Variants in CREBBP observed in about 807,000 individuals in gnomAD.
The protein encoded by CREBBP is CREB-binding protein.
A neutral mutation model predicts 265.0 loss-of-function variants in CREBBP; 19 were observed. The ratio of observed to expected loss-of-function variants is 0.07; its 90% CI spans 0.05 to 0.11. The LOEUF (loss-of-function observed/expected upper bound fraction) is 0.11. Ranked by LOEUF, CREBBP falls within the 10% of genes least tolerant of loss-of-function variation. The pLI is 1.00. For missense variants in CREBBP, 2,525 were observed against 3,219.0 expected, an observed-to-expected ratio of 0.78 and a Z score of 5.22; for synonymous variants, 1,457 against 1,223.7, an observed-to-expected ratio of 1.19 and a Z score of -3.98.
intron 10 of CREBBP, 99 bp downstream of exon 10, chr16:3,777,912 T>A: frequency 7.2e-7 from 1 of 1,391,484 alleles, no homozygotes; most frequent in Non-Finnish European, 1.0e-6. Flanking sequence ...AGGGCATGCA[T>A]CAGATATTCT....
chr16:3,736,973 C>G, intron 26 of CREBBP, 158 bp from the exon 27 acceptor site: 1 of 871,014 alleles, frequency 1.1e-6, no homozygotes, highest in East Asian at 2.6e-5. Flanking sequence ...GGGCAAGGCT[C>G]GAACTTTATC....
Position 3,833,387 on chromosome 16 carries a change from G to C in CREBBP, c.798+16910C>G, listed in dbSNP as rs113158982. Among the ~76,000 whole-genome samples the C allele has an allele frequency of 2.9e-3, 448 of 152,278 alleles. 1 individual carries two copies. Among genetic ancestry groups the C allele is most frequent in the Admixed American group, 5.6e-3 (85 of 15,290 alleles). ...AGATAGCACCACTGCACTTCAGCTT[G>C]GGCTACAGAGTGAGAGTCCATCTCA... On this transcript the variant is annotated intron_variant, in intron 2 of 30. Coordinates refer to ENST00000262367, the MANE Select transcript of CREBBP (RefSeq NM_004380.3).
chr16:3,809,842 C>A (rs369399815), intron 3 of CREBBP, among the ~76,000 whole-genome samples: 33 of 152,238 alleles, frequency 2.2e-4, no homozygotes, highest in African/African-American at 7.7e-4. Context: ...ATCACTATGG[C>A]AGCTGGGAAG....
intron 1 of CREBBP, among the ~76,000 whole-genome samples, chr16:3,862,167 C>T (rs747334880): frequency 2.8e-4 from 42 of 152,130 alleles, no homozygotes; most frequent in Non-Finnish European, 5.7e-4. Flanking sequence ...TATTTTACAG[C>T]CAAGTGGAAT....
chr16:3,878,712 T>C (rs577054397), intron 1 of CREBBP, among the ~76,000 whole-genome samples: 1 of 152,282 alleles, frequency 6.6e-6, no homozygotes, highest in Non-Finnish European at 1.5e-5. Context: ...TAGAAACTGA[T>C]TTTCAGATGC....
chr16:3,812,210 ACT>A (rs1004670419), intron 2 of CREBBP, among the ~76,000 whole-genome samples: 1 of 151,724 alleles, frequency 6.6e-6, no homozygotes, highest in Non-Finnish European at 1.5e-5. Context: ...AGAGTGTGTC[ACT>A]CTGTCACCCA....
rs776500881 is a variant in CREBBP at position 3,729,075 on chromosome 16, G to A, written c.5972C>T (p.Pro1991Leu). ...MPPGRTGMGT[P>L]GSQMAPVSLN... ...GCTCACGGGGGCCATCTGGCTCCCC[G>A]GGGTCCCCATGCCCGTGCGTCCTGG... The change falls in exon 31 of 31, where the codon CCG becomes CTG. Residue 1991 changes from proline (P) to leucine (L), a missense_variant. Transcript: ENST00000262367. The A allele has an allele frequency of 8.8e-6, 14 of 1,584,254 alleles. No homozygotes were observed. The East Asian group carries it at 9.2e-5, about 10-fold the overall frequency.
chr16:3,835,493 G>A (rs898155746), intron 2 of CREBBP, among the ~76,000 whole-genome samples: 3 of 150,632 alleles, frequency 2.0e-5, no homozygotes, highest in Non-Finnish European at 4.4e-5. Context: ...AGTGAATTTC[G>A]TTGCTAGTTA....
intron 2 of CREBBP, among the ~76,000 whole-genome samples, chr16:3,846,696 G>T (rs1179444111): frequency 1.3e-5 from 2 of 151,968 alleles, no homozygotes; most frequent in Non-Finnish European, 2.9e-5. Context: ...TGGGTGGGGA[G>T]GGGAACATCT....
chr16:3,856,507 G>C (rs923600641), intron 1 of CREBBP, among the ~76,000 whole-genome samples: 6 of 152,040 alleles, frequency 3.9e-5, no homozygotes, highest in Non-Finnish European at 5.9e-5. Flanking sequence ...TTTTTGTAGA[G>C]ATGGGGTCTT....
At chr16:3,799,117 T>C (rs2053662976) in intron 3 of CREBBP, among the ~76,000 whole-genome samples, 1 of 152,172 alleles carries the variant, frequency 6.6e-6, no homozygotes, top group South Asian at 2.1e-4. Flanking sequence ...ATGCCCAGAA[T>C]AGATACATCC....
At chr16:3,849,650 C>T (rs1257033554) in intron 2 of CREBBP, among the ~76,000 whole-genome samples, 1 of 149,696 alleles carries the variant, frequency 6.7e-6, no homozygotes, top group Non-Finnish European at 1.5e-5. Flanking sequence ...GGATCACAGG[C>T]GTGAGTCACT....
At position 3,751,332 on chromosome 16, in the gene CREBBP, A is replaced by C. The variant is rs184600949; in HGVS notation, c.3779+394T>G. Among the ~76,000 whole-genome samples, 160 of 152,216 alleles carry C rather than the reference A, an allele frequency of 1.1e-3. 1 individual carries two copies. Among genetic ancestry groups the C allele is most frequent in the African/African-American group, 3.8e-3 (157 of 41,542 alleles). ...CAAACCCCACAACACAACAGACTGT[A>C]ATCCCAGCACTTTGGAAGGCCCAGG... is the stretch of plus-strand genomic sequence containing the variant. On this transcript the variant is annotated intron_variant, in intron 20 of 30. Coordinates refer to ENST00000262367, the MANE Select transcript of CREBBP (RefSeq NM_004380.3).
chr16:3,744,065 A>G (rs2052281958), intron 23 of CREBBP, among the ~76,000 whole-genome samples: 1 of 152,096 alleles, frequency 6.6e-6, no homozygotes, highest in South Asian at 2.1e-4. Flanking sequence ...ACAGAGCGAG[A>G]ATGTCTCAAA....
chr16:3,848,512 G>A (rs1460794703), intron 2 of CREBBP, among the ~76,000 whole-genome samples: 1 of 152,136 alleles, frequency 6.6e-6, no homozygotes, highest in Non-Finnish European at 1.5e-5. Context: ...ATGATGAAAT[G>A]TGTTTCAATA....
At chr16:3,820,206 A>G (rs2054114989) in intron 2 of CREBBP, among the ~76,000 whole-genome samples, 1 of 152,274 alleles carries the variant, frequency 6.6e-6, no homozygotes, top group Non-Finnish European at 1.5e-5. Context: ...CATTGTTGGA[A>G]GAAAGCCAAG....
In CREBBP at chr16:3,739,695, G is replaced by C. The variant is rs761058155; in HGVS notation, c.4163C>G (p.Ser1388Cys). Residue 1388 changes from serine (S) to cysteine (C), a missense_variant, in exon 25 of 31, where the codon TCT becomes TGT. Around this residue, in one of 19 missense-constraint regions of CREBBP, gnomAD observed 252 missense variants for 452.5 expected, o/e 0.56. Coordinates refer to ENST00000262367, the MANE Select transcript of CREBBP (RefSeq NM_004380.3). ...RFVDSGEMSE[S>C]FPYRTKALFA... ...CAGAGCTTTGGTTCGATATGGGAAA[G>C]ATTCAGACATTTCCCCAGAATCCAC... The C allele has an allele frequency of 1.2e-6, 2 of 1,614,230 alleles. No individual in the cohort carries two copies. The highest frequency in any genetic ancestry group is 4.5e-5 in the East Asian group (2 of 44,890).
At chr16:3,802,678 G>C (rs2053741696) in intron 3 of CREBBP, among the ~76,000 whole-genome samples, 1 of 152,190 alleles carries the variant, frequency 6.6e-6, no homozygotes, top group Non-Finnish European at 1.5e-5. Context: ...AGGACCCTGT[G>C]TTCCAAACAG....
intron 2 of CREBBP, among the ~76,000 whole-genome samples, chr16:3,848,068 G>A (rs2054705555): frequency 6.6e-6 from 1 of 152,002 alleles, no homozygotes; most frequent in Non-Finnish European, 1.5e-5. Flanking sequence ...TACTCAGGAG[G>A]CTGAGGCAGG....
Sources: gnomAD v4.1 joint callset for allele counts (sites outside exome capture counted in the v4.1 genomes callset) on GRCh38, gnomAD v4.1.1 for gene constraint, gnomAD v4.1.1 regional missense constraint, MANE v1.5 for transcripts, NCBI Gene and HGNC (gene_info 2026-07-23, HGNC 2026-07-21) for gene names.